Variants in RAG1 observed in about 807,000 individuals in gnomAD.
RAG1 encodes recombination activating 1, also known as V(D)J recombination-activating protein 1.
In RAG1, 35 loss-of-function variants were observed where a neutral mutation model predicts 62.7. The ratio of observed to expected loss-of-function variants is 0.56; its 90% CI spans 0.43 to 0.74. The LOEUF (loss-of-function observed/expected upper bound fraction) is 0.74, where lower values mean the gene tolerates loss of function less well. Among genes scored for constraint, RAG1 ranks in the 30% least tolerant of loss-of-function variants. The pLI, the probability that RAG1 is intolerant of heterozygous loss-of-function variation, is 0.00. For missense variants in RAG1, 1,169 were observed against 1,278.6 expected, an observed-to-expected ratio of 0.91 and a Z score of 1.31; for synonymous variants, 461 against 470.3, an observed-to-expected ratio of 0.98 and a Z score of 0.26.
intron 1 of RAG1, among the ~76,000 whole-genome samples, chr11:36,515,058 A>T (rs1859977847): frequency 6.6e-6 from 1 of 152,174 alleles, no homozygotes. Context: ...TCCTGAGGGG[A>T]CACAAAACTT....
chr11:36,557,566 G>A (rs866001199), intron 3 of RAG1, among the ~76,000 whole-genome samples: 7 of 151,822 alleles, frequency 4.6e-5, no homozygotes, highest in South Asian at 4.1e-4. Flanking sequence ...GAAATCACCC[G>A]TCTTCTGCGT....
downstream of RAG1, among the ~76,000 whole-genome samples, chr11:36,538,961 A>T (rs1222393464): frequency 6.6e-6 from 1 of 151,672 alleles, no homozygotes. Flanking sequence ...CCCTCCCCTT[A>T]CTTCTCAGTC....
chr11:36,540,752 C>G (rs546632087), downstream of RAG1, among the ~76,000 whole-genome samples: 1 of 152,178 alleles, frequency 6.6e-6, no homozygotes, highest in South Asian at 2.1e-4. Flanking sequence ...TCTCTTTGTT[C>G]TTTGGACATA....
rs1850892416 is a variant in RAG1 at position 36,578,859 on chromosome 11, C to T, written c.*2423C>T. On this transcript the variant is annotated 3_prime_UTR_variant, in exon 2 of 2. Transcript: ENST00000299440. ...TTATATACTCCAGGGAAATTCACCA[C>T]ACTGAATCGAGCATTTGTGTGTGTA... The T allele has an allele frequency of 6.0e-6, 1 of 167,082 alleles. No individual in the cohort carries two copies. The highest frequency in any genetic ancestry group is 1.5e-5 in the Non-Finnish European group (1 of 68,128). The allele number at this position is 167,082 out of a possible 1,614,324, so 10.3% of individuals were successfully genotyped here.
intron 2 of RAG1, among the ~76,000 whole-genome samples, chr11:36,525,668 T>C (rs1328170734): frequency 6.6e-6 from 1 of 152,202 alleles, no homozygotes; most frequent in Non-Finnish European, 1.5e-5. Context: ...TTAAATGATA[T>C]TACAAAAATA....
chr11:36,544,212 TAAG>T (rs1180357372), intron 3 of RAG1, among the ~76,000 whole-genome samples: 1 of 152,176 alleles, frequency 6.6e-6, no homozygotes, highest in Non-Finnish European at 1.5e-5. Flanking sequence ...GATTTTAAGT[TAAG>T]GAGGTTGTCC....
At chr11:36,557,438 C>T (rs1360795218) in intron 3 of RAG1, among the ~76,000 whole-genome samples, 1 of 144,874 alleles carries the variant, frequency 6.9e-6, no homozygotes, top group Non-Finnish European at 1.5e-5. Context: ...TTGCGCTTCC[C>T]AGGTGAGGCA....
chr11:36,532,440 A>G (rs1860270640), intron 2 of RAG1, among the ~76,000 whole-genome samples: 1 of 152,148 alleles, frequency 6.6e-6, no homozygotes, highest in African/African-American at 2.4e-5. Flanking sequence ...ATATATTATG[A>G]ACACTTTTCT....
chr11:36,520,468 G>A (rs1860061545), intron 2 of RAG1, among the ~76,000 whole-genome samples: 1 of 152,080 alleles, frequency 6.6e-6, no homozygotes, highest in Non-Finnish European at 1.5e-5. Context: ...GGAAGAGACG[G>A]GGTTTCCCCA....
chr11:36,569,436 A>G (rs1287302462), intron 1 of RAG1, among the ~76,000 whole-genome samples: 1 of 152,212 alleles, frequency 6.6e-6, no homozygotes, highest in Non-Finnish European at 1.5e-5. Flanking sequence ...GTGTCAAAAT[A>G]TGAATCCAAG....
upstream of RAG1, chr11:36,565,831 A>G (rs1850653550): frequency 6.6e-6 from 1 of 152,230 alleles, no homozygotes; most frequent in African/African-American, 2.4e-5. Flanking sequence ...TGATTTCAAC[A>G]CGGATGGGAG....
At chr11:36,529,942 A>G (rs756191041) in intron 2 of RAG1, among the ~76,000 whole-genome samples, 4 of 152,012 alleles carry the variant, frequency 2.6e-5, no homozygotes, top group Non-Finnish European at 5.9e-5. Context: ...CAGTGAAACC[A>G]TTAGTTCTGG....
intron 2 of RAG1, among the ~76,000 whole-genome samples, chr11:36,530,498 G>A (rs776756796): frequency 1.3e-5 from 2 of 151,756 alleles, no homozygotes; most frequent in African/African-American, 2.4e-5. Flanking sequence ...TGCTTTAGTT[G>A]TGTCCTATGA....
At chr11:36,557,584 G>T (rs1056395767) in intron 3 of RAG1, among the ~76,000 whole-genome samples, 5 of 152,008 alleles carry the variant, frequency 3.3e-5, no homozygotes, top group Non-Finnish European at 5.9e-5. Context: ...CGTCGCTCAC[G>T]CTGGGAGCTG....
chr11:36,527,446 T>TCTGTTTTGGTACCACTACCATG (rs1860181622), intron 2 of RAG1, among the ~76,000 whole-genome samples: 1 of 152,214 alleles, frequency 6.6e-6, no homozygotes, highest in East Asian at 1.9e-4. Flanking sequence ...GGTCTATATC[T>TCTGTTTTGGTACCACTACCATG]CTGTTTTGGT....
Position 36,573,759 on chromosome 11 carries a change from C to T in RAG1, c.455C>T (p.Pro152Leu), listed in dbSNP as rs763843831. The change falls in exon 2 of 2, where the codon CCG becomes CTG. Residue 152 changes from proline (P) to leucine (L), a missense_variant. This residue lies in a region of RAG1 where 369 missense variants were observed against 335.3 expected (regional missense o/e 1.10). Coordinates refer to ENST00000299440, the MANE Select transcript of RAG1 (RefSeq NM_000448.3). The part of the protein sequence containing the change: ...RKKEKRATSW[P>L]DLIAKVFRID... The stretch of plus-strand genomic sequence containing the variant: ...AAGGAAAAGAGAGCTACTTCCTGGC[C>T]GGACCTCATTGCCAAGGTTTTCCGG... 2.3e-5 allele frequency: 37 copies of T among 1,613,896 alleles called. No individual in the cohort carries two copies. The highest frequency in any genetic ancestry group is 9.9e-5 in the South Asian group (9 of 91,090).
chr11:36,563,214 A>G (rs1043634355), upstream of RAG1, among the ~76,000 whole-genome samples: 1 of 152,196 alleles, frequency 6.6e-6, no homozygotes, highest in South Asian at 2.1e-4. Context: ...CTGTGTTCAT[A>G]CTTCTGGAAG....
chr11:36,575,014 G>A lies in RAG1; in HGVS notation c.1710G>A (p.Leu570=). 6.2e-7 allele frequency: 1 copy of A among 1,614,126 alleles called. No individual in the cohort carries two copies. Among genetic ancestry groups the A allele is most frequent in the South Asian group, 1.1e-5 (1 of 91,082 alleles). The change falls in exon 2 of 2, where the codon TTG becomes TTA. Residue 570 remains leucine (L), a synonymous_variant. Transcript: ENST00000299440. This position sits in a 1 kb window ranked among gnomAD's most constrained non-coding sequence, Gnocchi z 4.1. The part of the protein sequence containing the change: ...FRYDSALVSA[L]MDMEEDILEG... ...ATGATTCAGCTTTGGTGTCTGCTTT[G>A]ATGGACATGGAAGAAGACATCTTGG...
Position 36,576,046 on chromosome 11 carries a change from C to G in RAG1, c.2742C>G (p.Phe914Leu). The G allele has an allele frequency of 6.2e-7, 1 of 1,614,090 alleles. No individual in the cohort carries two copies. ...CAGAATCCCTCTGCCAGTACAGTTTCAATTCACAGCGTTTTGCTGAGCTCC... is the reference window on the plus strand; with the variant it reads ...CAGAATCCCTCTGCCAGTACAGTTTGAATTCACAGCGTTTTGCTGAGCTCC... ...ECPESLCQYS[F>L]NSQRFAELLS... Residue 914 changes from phenylalanine to leucine, a missense_variant, in exon 2 of 2, where the codon TTC becomes TTG. This residue lies in a region of RAG1 where 800 missense variants were observed against 943.3 expected (regional missense o/e 0.85). Transcript: ENST00000299440.
Sources: gnomAD v4.1 joint callset for allele counts (sites outside exome capture counted in the v4.1 genomes callset) on GRCh38, gnomAD v4.1.1 for gene constraint, gnomAD v4.1.1 regional missense constraint, Gnocchi (gnomAD v3.1) non-coding constraint, MANE v1.5 for transcripts, NCBI Gene and HGNC (gene_info 2026-07-23, HGNC 2026-07-21) for gene names.